SH2D2A: variants seen among roughly 807,000 people sequenced by gnomAD.
SH2D2A encodes SH2 domain-containing protein 2A.
In SH2D2A, 33 loss-of-function variants were observed where a neutral mutation model predicts 43.6. That is an observed-to-expected ratio of 0.76 (90% CI 0.57 to 1.01). SH2D2A has a LOEUF of 1.01. SH2D2A is among the 50% of genes least tolerant of loss of function. SH2D2A has a pLI of 0.00. For missense variants in SH2D2A, 491 were observed against 503.1 expected, an observed-to-expected ratio of 0.98 and a Z score of 0.23; for synonymous variants, 212 against 206.1, an observed-to-expected ratio of 1.03 and a Z score of -0.25.
chr1:156,807,081 T>G lies in SH2D2A; in HGVS notation c.*3+94A>C. 8.5e-7 allele frequency: 1 copy of G among 1,179,496 alleles called. No homozygotes were observed. Among genetic ancestry groups the G allele is most frequent in the Non-Finnish European group, 1.3e-6 (1 of 797,884 alleles). The allele number at this position is 1,179,496 out of a possible 1,614,324, so 73.1% of individuals were successfully genotyped here. A position where few individuals can be genotyped will look rare whatever the true frequency, so the allele number is the denominator to read the frequency against. On this transcript the variant is annotated intron_variant, in intron 8 of 8. Transcript: ENST00000368199. This position sits in a 1 kb window ranked among gnomAD's most constrained non-coding sequence, Gnocchi z 5.1. The stretch of plus-strand genomic sequence containing the variant: ...CTTTCCAGCTTTGAACACCTATGGT[T>G]TATTCCATCCACATTTCTTGAGAAG...
At position 156,815,382 on chromosome 1, in the gene SH2D2A, C is replaced by T; in HGVS notation, c.124-161G>A. ...TCCTTCCTAAAGTCTAACTTAAATC[C>T]CTTCTTCAGCTCCAGCTGTTCTGGC... On this transcript the variant is annotated intron_variant, in intron 2 of 8. Transcript: ENST00000368199. 3 of 597,614 alleles carry T rather than the reference C, an allele frequency of 5.0e-6. No homozygotes were observed. The South Asian group carries it at 7.7e-5, about 15-fold the overall frequency. 37.0% of individuals were successfully genotyped at this position (597,614 alleles called of 1,614,324 possible). A position where few individuals can be genotyped will look rare whatever the true frequency, so the allele number is the denominator to read the frequency against.
chr1:156,815,945 C>T (rs1483165146), intron 2 of SH2D2A, 61 bp downstream of exon 2: 6 of 1,600,070 alleles, frequency 3.7e-6, no homozygotes, highest in Non-Finnish European at 5.1e-6. Context: ...AGTCCTTCCC[C>T]ATGGGAGGGT....
At position 156,816,676 on chromosome 1, in the gene SH2D2A, T is replaced by C. The variant is rs1437318851; in HGVS notation, c.33A>G (p.Gln11=). 1.2e-6 allele frequency: 2 copies of C among 1,601,884 alleles called. No individual in the cohort carries two copies. Among genetic ancestry groups the C allele is most frequent in the South Asian group, 1.1e-5 (1 of 89,784 alleles). The change falls in exon 1 of 9, where the codon CAA becomes CAG. Residue 11 remains glutamine (Q), a splice_region_variant and synonymous_variant. Transcript: ENST00000368199. MEFPLAQICP[Q]GSHEAPIPTF... ...CATATCCTTCAACTTCACACTTACC[T>C]TGGGGACATATCTGGGCCAGGGGGA...
At position 156,809,930 on chromosome 1, in the gene SH2D2A, G is replaced by T; in HGVS notation, c.568-123C>A. 1 of 1,117,922 alleles carries T rather than the reference G, an allele frequency of 8.9e-7. No individual in the cohort carries two copies. Among genetic ancestry groups the T allele is most frequent in the Non-Finnish European group, 1.3e-6 (1 of 771,910 alleles). The allele number at this position is 1,117,922 out of a possible 1,614,324, so 69.3% of individuals were successfully genotyped here. ...GGAAGGGGGAGGAGCACAGAAATTT[G>T]GCCTGGGCTGGGTTCCCTGGATGAG... On this transcript the variant is annotated intron_variant, in intron 5 of 8. Transcript: ENST00000368199. This position sits in a 1 kb window ranked among gnomAD's most constrained non-coding sequence, Gnocchi z 4.8.
At chr1:156,811,137 C>T (rs1259978243) in intron 5 of SH2D2A, among the ~76,000 whole-genome samples, 5 of 152,164 alleles carry the variant, frequency 3.3e-5, no homozygotes, top group African/African-American at 7.2e-5. Flanking sequence ...ACCCTGCTGC[C>T]GAAACAGCAC....
Position 156,809,002 on chromosome 1 carries a change from C to T in SH2D2A, c.1002+201G>A, listed in dbSNP as rs537138899. ...GGGCTTGACAAAGATGAGGTCTGAG[C>T]GACTCTGGGGAGAAGAGGGGGCAGC... On this transcript the variant is annotated intron_variant, in intron 7 of 8. Transcript: ENST00000368199. This position sits in a 1 kb window ranked among gnomAD's most constrained non-coding sequence, Gnocchi z 4.8. 3.6e-4 allele frequency among the ~76,000 whole-genome samples: 55 copies of T among 152,112 alleles called. No homozygotes were observed. Among genetic ancestry groups the T allele is most frequent in the Non-Finnish European group, 7.7e-4 (52 of 67,962 alleles).
chr1:156,813,812 A>C lies in SH2D2A; in HGVS notation c.567+36T>G. 2.9e-6 allele frequency: 4 copies of C among 1,379,656 alleles called. No individual in the cohort carries two copies. In the South Asian group the frequency reaches 6.8e-5, roughly 23 times the overall value. 85.5% of individuals were successfully genotyped at this position (1,379,656 alleles called of 1,614,324 possible). On this transcript the variant is annotated intron_variant, in intron 5 of 8. Coordinates refer to ENST00000368199, the MANE Select transcript of SH2D2A (RefSeq NM_003975.4). ...TGAGCGGGAGGGGCGCTGGCCCGAG[A>C]CCCTGGGCTCTCTGGTCAGGGTCTG...
chr1:156,814,704 G>A (rs1368912924), intron 3 of SH2D2A: 1 of 398,068 alleles, frequency 2.5e-6, no homozygotes, highest in Non-Finnish European at 4.5e-6. Flanking sequence ...GAAGAAGAGA[G>A]GGCTGGGAGA....
In SH2D2A at chr1:156,806,328, A is replaced by G. The variant is rs970989851; in HGVS notation, c.*249T>C. ...TTCTAACATCTGTTCTCACCAAACC[A>G]TTCCTCAGACAACAGCAGCATTGGA... is the stretch of plus-strand genomic sequence containing the variant. On this transcript the variant is annotated 3_prime_UTR_variant, in exon 9 of 9. Transcript: ENST00000368199. 6.6e-6 allele frequency: 1 copy of G among 152,320 alleles called. No individual in the cohort carries two copies. Among genetic ancestry groups the G allele is most frequent in the African/African-American group, 2.4e-5 (1 of 41,466 alleles). 9.4% of individuals were successfully genotyped at this position (152,320 alleles called of 1,614,324 possible).
At chr1:156,814,360 C>T (rs768468739) in intron 3 of SH2D2A, 66 bp from the exon 4 acceptor site, 25 of 1,567,192 alleles carry the variant, frequency 1.6e-5, no homozygotes, top group South Asian at 4.7e-5. Context: ...TCTGTCTCCC[C>T]GGCTCTCACG....
chr1:156,808,764 T>A (rs1363160733), intron 7 of SH2D2A, among the ~76,000 whole-genome samples: 2 of 151,778 alleles, frequency 1.3e-5, no homozygotes, highest in African/African-American at 4.8e-5. Flanking sequence ...TGAGATGACA[T>A]AAGGGAACCC....
Position 156,809,465 on chromosome 1 carries a change from G to T in SH2D2A, c.740C>A (p.Pro247His), listed in dbSNP as rs371792433. The T allele has an allele frequency of 6.2e-7, 1 of 1,609,136 alleles. No homozygotes were observed. Among genetic ancestry groups the T allele is most frequent in the Non-Finnish European group, 8.5e-7 (1 of 1,178,166 alleles). ...KEPSQLLRPK[P>H]PIPAKPQLPP... The stretch of plus-strand genomic sequence containing the variant: ...CAGCTGAGGTTTGGCGGGGATGGGA[G>T]GCTTGGGCCTGAGCAGCTGGGAGGG... Residue 247 changes from proline (P) to histidine (H), a missense_variant, in exon 7 of 9, where the codon CCT (proline) becomes CAT (histidine). Coordinates refer to ENST00000368199, the MANE Select transcript of SH2D2A (RefSeq NM_003975.4). This position sits in a 1 kb window ranked among gnomAD's most constrained non-coding sequence, Gnocchi z 4.8.
chr1:156,815,564 T>C lies in SH2D2A; in HGVS notation c.124-343A>G, dbSNP rs2150906. On this transcript the variant is annotated intron_variant, in intron 2 of 8. Transcript: ENST00000368199. ...TGGCCTGGAGGATGAAGAAACATGA[T>C]GCAGGAAGTCACCCTAGAGGCCAGA... 0.9 allele frequency: 549,828 copies of C among 609,098 alleles called. 250,060 individuals are homozygous for C. Among genetic ancestry groups the C allele is most frequent in the East Asian group, 0.95 (34,182 of 36,168 alleles). 37.7% of individuals were successfully genotyped at this position (609,098 alleles called of 1,614,324 possible).
chr1:156,813,808 C>T, intron 5 of SH2D2A, 40 bp downstream of exon 5: 1 of 1,364,184 alleles, frequency 7.3e-7, no homozygotes, highest in Non-Finnish European at 9.4e-7. Context: ...GGCGCTGGCC[C>T]GAGACCCTGG....
intron 3 of SH2D2A, 92 bp from the exon 4 acceptor site, chr1:156,814,386 C>G (rs1409347715): frequency 1.3e-6 from 2 of 1,535,828 alleles, no homozygotes; most frequent in South Asian, 1.2e-5. Flanking sequence ...CCCCTACCCC[C>G]AAGCAAGCAT....
At chr1:156,814,354 T>G (rs571173940) in intron 3 of SH2D2A, 60 bp from the exon 4 acceptor site, 48 of 1,572,044 alleles carry the variant, frequency 3.1e-5, no homozygotes, top group Non-Finnish European at 3.9e-5. Flanking sequence ...CTCGCCTCTG[T>G]CTCCCCGGCT....
At chr1:156,815,279 G>T in intron 2 of SH2D2A, 58 bp from the exon 3 acceptor site, 1 of 1,302,484 alleles carries the variant, frequency 7.7e-7, no homozygotes, top group South Asian at 1.8e-5. Context: ...GCCTTCTCCT[G>T]ACTTTGATCC....
rs1653997181 is a variant in SH2D2A, at chr1:156,816,839, C to A, written c.-131G>T. 10 of 826,738 alleles carry A rather than the reference C, an allele frequency of 1.2e-5. No individual in the cohort carries two copies. Among genetic ancestry groups the A allele is most frequent in the Non-Finnish European group, 1.8e-5 (10 of 561,224 alleles). 51.2% of individuals were successfully genotyped at this position (826,738 alleles called of 1,614,324 possible). A position where few individuals can be genotyped will look rare whatever the true frequency, so the allele number is the denominator to read the frequency against. ...GCAGGAAATGTCGCCTTACCCACAG[C>A]CTTAGTTCTGGCGAGGACTCACGTC... On this transcript the variant is annotated 5_prime_UTR_variant, in exon 1 of 9. Coordinates refer to ENST00000368199, the MANE Select transcript of SH2D2A (RefSeq NM_003975.4).
intron 2 of SH2D2A, chr1:156,815,714 A>G: frequency 2.6e-6 from 3 of 1,151,298 alleles, no homozygotes; most frequent in Non-Finnish European, 4.0e-6. Flanking sequence ...TCACTGACAC[A>G]GAGTGCAGAT....
Sources: gnomAD v4.1 joint callset for allele counts (sites outside exome capture counted in the v4.1 genomes callset) on GRCh38, gnomAD v4.1.1 for gene constraint, Gnocchi (gnomAD v3.1) non-coding constraint, MANE v1.5 for transcripts, NCBI Gene and HGNC (gene_info 2026-07-23, HGNC 2026-07-21) for gene names.